Variants in PPP2R5E observed in about 807,000 individuals in gnomAD.
The protein encoded by PPP2R5E is protein phosphatase 2 regulatory subunit B'epsilon, also known as serine/threonine-protein phosphatase 2A 56 kDa regulatory subunit epsilon isoform.
A neutral mutation model predicts 65.3 loss-of-function variants in PPP2R5E; 4 were observed. The observed-to-expected ratio is 0.06, with a 90% confidence interval of 0.03 to 0.14. PPP2R5E has a LOEUF of 0.14. Among genes scored for constraint, PPP2R5E ranks in the 10% least tolerant of loss-of-function variants. The probability of loss-of-function intolerance (pLI) is 1.00; values close to 1 mark genes in which losing one functional copy is unlikely to be tolerated. For synonymous variants in PPP2R5E, 183 were observed against 187.4 expected (o/e 0.98, Z 0.19); for missense variants, 274 against 556.1 (o/e 0.49, Z 5.10).
intron 2 of PPP2R5E, chr14:63,508,362 G>T: frequency 7.0e-6 from 2 of 284,766 alleles, no homozygotes; most frequent in Non-Finnish European, 1.1e-5. Flanking sequence ...GTTTCATAGG[G>T]ACCACAATGG....
chr14:63,414,804 C>T (rs1483412044), intron 5 of PPP2R5E, among the ~76,000 whole-genome samples: 5 of 152,280 alleles, frequency 3.3e-5, no homozygotes, highest in South Asian at 2.1e-4. Flanking sequence ...AGAATCCTTA[C>T]GCAAATGTAA....
chr14:63,517,527 A>C (rs1176871690), intron 2 of PPP2R5E, among the ~76,000 whole-genome samples: 1 of 152,216 alleles, frequency 6.6e-6, no homozygotes, highest in Non-Finnish European at 1.5e-5. Context: ...TCAGAGTCTG[A>C]CATAATCATG....
chr14:63,500,657 A>C (rs1175379044), intron 2 of PPP2R5E, among the ~76,000 whole-genome samples: 1 of 152,100 alleles, frequency 6.6e-6, no homozygotes, highest in East Asian at 1.9e-4. Context: ...AGTTTGAGAC[A>C]ATAGAGCAAC....
chr14:63,525,905 G>A (rs1893166900), intron 2 of PPP2R5E, among the ~76,000 whole-genome samples: 2 of 152,110 alleles, frequency 1.3e-5, no homozygotes, highest in South Asian at 4.1e-4. Flanking sequence ...TACCCAGGAT[G>A]GAGTGCAGTG....
intron 8 of PPP2R5E, among the ~76,000 whole-genome samples, chr14:63,393,039 T>C (rs1015234286): frequency 6.6e-6 from 1 of 152,224 alleles, no homozygotes; most frequent in African/African-American, 2.4e-5. Flanking sequence ...TTGATTTGTT[T>C]ACTTGTGAGA....
In PPP2R5E at chr14:63,539,706, A is replaced by T. The variant is rs912580126; in HGVS notation, c.-7-14T>A. On this transcript the variant is annotated splice_polypyrimidine_tract_variant and intron_variant, in intron 1 of 13. Transcript: ENST00000337537. Reference sequence around the variant, plus strand: ...GACATATCCCTACTGAAGAGAAAGAAGTATCATAAACCCATACATTCCCAA... The same window carrying T: ...GACATATCCCTACTGAAGAGAAAGATGTATCATAAACCCATACATTCCCAA... The T allele has an allele frequency of 1.2e-6, 2 of 1,609,434 alleles. No individual in the cohort carries two copies. Among genetic ancestry groups the T allele is most frequent in the Non-Finnish European group, 8.5e-7 (1 of 1,176,684 alleles).
At position 63,389,621 on chromosome 14, in the gene PPP2R5E, G is replaced by C. The variant is rs757210728; in HGVS notation, c.1065C>G (p.Pro355=). Residue 355 remains proline (P), a synonymous_variant, in exon 11 of 14, where the codon CCC becomes CCG. Coordinates refer to ENST00000337537, the MANE Select transcript of PPP2R5E (RefSeq NM_006246.5). The stretch of plus-strand genomic sequence containing the variant: ...CCTCTTTACTACTAACCTGAAAATG[G>C]GGGCTAGATACACACTTGGCGATTT... The part of the protein sequence containing the change: ...FKQIAKCVSS[P]HFQVAERALY... 8.7e-6 allele frequency: 14 copies of C among 1,605,664 alleles called. No homozygotes were observed. The highest frequency in any genetic ancestry group is 3.4e-5 in the Admixed American group (2 of 58,442).
intron 2 of PPP2R5E, among the ~76,000 whole-genome samples, chr14:63,462,157 G>A (rs1315654815): frequency 6.6e-6 from 1 of 151,124 alleles, no homozygotes; most frequent in African/African-American, 2.4e-5. Flanking sequence ...TGCAAGCTCC[G>A]CCTCCTGGGT....
chr14:63,516,420 T>C (rs936104018), intron 2 of PPP2R5E, among the ~76,000 whole-genome samples: 22 of 152,306 alleles, frequency 1.4e-4, no homozygotes, highest in African/African-American at 5.1e-4. Context: ...TTCATAAAAA[T>C]AGCTTTAAGT....
intron 2 of PPP2R5E, chr14:63,479,439 A>T (rs1890581701): frequency 6.6e-6 from 1 of 152,066 alleles, no homozygotes; most frequent in South Asian, 2.1e-4. Flanking sequence ...AATAAAGCCA[A>T]CTTCTCAGGT....
At chr14:63,398,022 C>A (rs750407990) in intron 5 of PPP2R5E, among the ~76,000 whole-genome samples, 1 of 152,212 alleles carries the variant, frequency 6.6e-6, no homozygotes, top group African/African-American at 2.4e-5. Context: ...AGCCACCATG[C>A]CTGGCTGTGA....
intron 2 of PPP2R5E, among the ~76,000 whole-genome samples, chr14:63,496,072 T>C (rs1824587507): frequency 6.6e-6 from 1 of 152,130 alleles, no homozygotes; most frequent in African/African-American, 2.4e-5. Context: ...ACATATTAAG[T>C]GTTGAAGATT....
chr14:63,507,722 G>A (rs1892267888), intron 2 of PPP2R5E, among the ~76,000 whole-genome samples: 1 of 151,648 alleles, frequency 6.6e-6, no homozygotes, highest in African/African-American at 2.4e-5. Context: ...TGGGACTACA[G>A]GCGCCCGCCA....
At chr14:63,477,681 AG>A (rs1890476152) in intron 2 of PPP2R5E, among the ~76,000 whole-genome samples, 2 of 152,106 alleles carry the variant, frequency 1.3e-5, no homozygotes, top group African/African-American at 2.4e-5. Flanking sequence ...ACCTTTTCAA[AG>A]AAAAGTATAA....
At chr14:63,446,828 C>CAAAAAA (rs55892835) in intron 3 of PPP2R5E, among the ~76,000 whole-genome samples, 1 of 92,160 alleles carries the variant, frequency 1.1e-5, no homozygotes, top group South Asian at 3.7e-4. Context: ...GACTCCATCT[C>CAAAAAA]AAAAAAAAAA....
chr14:63,415,165 T>C lies in PPP2R5E; in HGVS notation c.524A>G (p.Tyr175Cys), dbSNP rs989854341. The C allele has an allele frequency of 1.3e-6, 2 of 1,596,700 alleles. No homozygotes were observed. Among genetic ancestry groups the C allele is most frequent in the South Asian group, 1.1e-5 (1 of 90,494 alleles). Residue 175 changes from tyrosine (Y) to cysteine (C), a missense_variant, in exon 5 of 14, where the codon TAT (tyrosine) becomes TGT (cysteine). Tyr to Cys is a radical substitution (Grantham distance 194, BLOSUM62 -2). Coordinates refer to ENST00000337537, the MANE Select transcript of PPP2R5E (RefSeq NM_006246.5). ...CTGTAATACAAATTTCTGATCTATA[T>C]ATTTTTTGGCAATGCTGGGTTGGAA... ...QEFQPSIAKKYIDQKFVLQLL... is the reference protein window; with the variant it reads ...QEFQPSIAKKCIDQKFVLQLL...
At chr14:63,473,251 C>T (rs996050311) in intron 2 of PPP2R5E, among the ~76,000 whole-genome samples, 5 of 151,990 alleles carry the variant, frequency 3.3e-5, no homozygotes, top group Admixed American at 6.6e-5. Context: ...GAAAAAGACT[C>T]GAAATAGGAC....
At chr14:63,433,197 C>G (rs1887783646) in intron 3 of PPP2R5E, among the ~76,000 whole-genome samples, 1 of 151,878 alleles carries the variant, frequency 6.6e-6, no homozygotes, top group Non-Finnish European at 1.5e-5. Flanking sequence ...GCCACCACAC[C>G]CTGCTAATTT....
chr14:63,522,083 GCAGGCACGC>G (rs1892936623), intron 2 of PPP2R5E, among the ~76,000 whole-genome samples: 9 of 149,674 alleles, frequency 6.0e-5, no homozygotes, highest in Non-Finnish European at 1.0e-4. Flanking sequence ...GCCTGCGATT[GCAGGCACGC>G]GCCGCCACGC....
Sources: allele counts gnomAD v4.1 joint callset (sites outside exome capture counted in the v4.1 genomes callset), GRCh38; gene constraint gnomAD v4.1.1; transcripts MANE v1.5; gene names NCBI Gene and HGNC (gene_info 2026-07-23, HGNC 2026-07-21).